Variants in HDAC9 observed in about 807,000 individuals in gnomAD.
HDAC9 encodes the protein histone deacetylase 9.
HDAC9 carries 41 observed loss-of-function variants against 139.4 expected under a neutral mutation model. That is an observed-to-expected ratio of 0.29 (90% CI 0.23 to 0.38). The LOEUF (loss-of-function observed/expected upper bound fraction) is 0.38. Among genes scored for constraint, HDAC9 ranks in the 10% least tolerant of loss-of-function variants. The probability of loss-of-function intolerance (pLI) is 1.00; values close to 1 mark genes in which losing one functional copy is unlikely to be tolerated. For synonymous variants in HDAC9, 517 were observed against 476.2 expected, an observed-to-expected ratio of 1.09 and a Z score of -1.12; for missense variants, 1,147 against 1,297.0, an observed-to-expected ratio of 0.88 and a Z score of 1.78.
At chr7:18,604,354 A>G (rs1213667482) in intron 6 of HDAC9, among the ~76,000 whole-genome samples, 3 of 151,486 alleles carry the variant, frequency 2.0e-5, no homozygotes, top group Non-Finnish European at 4.4e-5. Context: ...CATATCTTCA[A>G]AGTTATTGAT....
intron 2 of HDAC9, among the ~76,000 whole-genome samples, chr7:18,262,933 T>A (rs947194990): frequency 8.0e-6 from 1 of 124,898 alleles, no homozygotes; most frequent in Non-Finnish European, 1.9e-5. Flanking sequence ...AAGGCAATAA[T>A]AGAGAAAGAG....
At chr7:18,284,760 G>T (rs915254411) in intron 2 of HDAC9, among the ~76,000 whole-genome samples, 8 of 152,064 alleles carry the variant, frequency 5.3e-5, no homozygotes, top group African/African-American at 7.2e-5. Context: ...TGGTTTTATA[G>T]GGACTAGATA....
chr7:18,920,194 C>T (rs1262687178), intron 22 of HDAC9, among the ~76,000 whole-genome samples: 1 of 152,060 alleles, frequency 6.6e-6, no homozygotes, highest in Non-Finnish European at 1.5e-5. Flanking sequence ...TTGTAGTTCT[C>T]CTTGAAGAGG....
At chr7:18,886,985 C>A (rs1012343505) in intron 22 of HDAC9, among the ~76,000 whole-genome samples, 1 of 152,130 alleles carries the variant, frequency 6.6e-6, no homozygotes, top group South Asian at 2.1e-4. Flanking sequence ...TGGTCAAATC[C>A]TTTGTTAAGT....
intron 1 of HDAC9, among the ~76,000 whole-genome samples, chr7:18,143,702 C>T (rs879128034): frequency 1.3e-5 from 2 of 151,114 alleles, no homozygotes; most frequent in Admixed American, 1.3e-4. Flanking sequence ...AGGAGAATTG[C>T]TTGAACTCAG....
At chr7:18,867,984 T>G (rs905720082) in intron 21 of HDAC9, among the ~76,000 whole-genome samples, 1 of 152,212 alleles carries the variant, frequency 6.6e-6, no homozygotes, top group African/African-American at 2.4e-5. Context: ...TGATTGTTCT[T>G]TTTCATAACA....
intron 6 of HDAC9, among the ~76,000 whole-genome samples, chr7:18,605,980 G>T (rs1458927634): frequency 6.6e-6 from 1 of 152,030 alleles, no homozygotes; most frequent in East Asian, 1.9e-4. Context: ...ATGCCTGGCT[G>T]CCCCTGGAGT....
At chr7:18,701,828 G>A (rs970505902) in intron 12 of HDAC9, among the ~76,000 whole-genome samples, 1 of 152,210 alleles carries the variant, frequency 6.6e-6, no homozygotes, top group Non-Finnish European at 1.5e-5. Flanking sequence ...TGGAGAGAGT[G>A]TAGACTAAGG....
intron 2 of HDAC9, among the ~76,000 whole-genome samples, chr7:18,578,928 T>C (rs1201519754): frequency 6.6e-6 from 1 of 152,242 alleles, no homozygotes; most frequent in East Asian, 1.9e-4. Context: ...TTAAACCAGA[T>C]AACTTCCTAA....
chr7:18,180,859 C>A (rs899922169), intron 2 of HDAC9, among the ~76,000 whole-genome samples: 4 of 152,168 alleles, frequency 2.6e-5, no homozygotes, highest in African/African-American at 7.2e-5. Context: ...ACCTTGCTCC[C>A]CACAAAGACT....
intron 13 of HDAC9, among the ~76,000 whole-genome samples, chr7:18,744,316 T>C (rs1787742468): frequency 6.6e-6 from 1 of 152,126 alleles, no homozygotes; most frequent in Non-Finnish European, 1.5e-5. Context: ...TTAAGTTAAA[T>C]GTGGTAAAAT....
chr7:18,269,695 C>T lies in HDAC9; in HGVS notation c.25+107346C>T, dbSNP rs546416398. Among the ~76,000 whole-genome samples, 4 of 152,094 alleles carry T rather than the reference C, an allele frequency of 2.6e-5. 1 individual carries two copies. The East Asian group carries it at 7.7e-4, about 29-fold the overall frequency. The stretch of plus-strand genomic sequence containing the variant: ...CATGATTGTGCCACTGCACTTTAGC[C>T]TGGGCAACAGAGGGAGACCTTGTCT... On this transcript the variant is annotated intron_variant, in intron 2 of 12. Transcript: ENST00000417496.
chr7:18,476,122 A>G lies in HDAC9; in HGVS notation c.-41-20140A>G, dbSNP rs539756554. On this transcript the variant is annotated intron_variant, in intron 1 of 3. Coordinates refer to the HDAC9 transcript ENST00000413509. ...TATAGTCTTAAACTTCAATTTTTAC[A>G]TTTTGTTTTTGGATGCTATTATATT... Among the ~76,000 whole-genome samples, 36 of 152,158 alleles carry G rather than the reference A, an allele frequency of 2.4e-4. 1 individual carries two copies. Among genetic ancestry groups the G allele is most frequent in the Admixed American group, 1.7e-3 (26 of 15,284 alleles).
chr7:18,784,686 T>A (rs539596398), intron 16 of HDAC9, among the ~76,000 whole-genome samples: 2 of 152,132 alleles, frequency 1.3e-5, no homozygotes, highest in East Asian at 3.9e-4. Context: ...AATAAAGAAA[T>A]GGTGTAAACA....
chr7:18,176,874 A>G (rs1182096822), intron 2 of HDAC9, among the ~76,000 whole-genome samples: 1 of 152,242 alleles, frequency 6.6e-6, no homozygotes, highest in Non-Finnish European at 1.5e-5. Flanking sequence ...GTGAAACAGT[A>G]AATTGAAAGA....
chr7:18,868,048 A>G (rs779728198), intron 21 of HDAC9, among the ~76,000 whole-genome samples: 52 of 152,092 alleles, frequency 3.4e-4, no homozygotes, highest in Non-Finnish European at 6.2e-4. Context: ...TGAAATTATT[A>G]TGTTTGTTGT....
chr7:18,274,103 A>G (rs1259300917), intron 2 of HDAC9, among the ~76,000 whole-genome samples: 1 of 152,210 alleles, frequency 6.6e-6, no homozygotes, highest in Non-Finnish European at 1.5e-5. Context: ...TCTCATATGT[A>G]TACAAAGGGA....
At chr7:18,446,372 G>A (rs899207746) in intron 1 of HDAC9, among the ~76,000 whole-genome samples, 12 of 152,194 alleles carry the variant, frequency 7.9e-5, no homozygotes, top group African/African-American at 2.9e-4. Context: ...TGCCTAGTCG[G>A]GGGGTGGGTT....
intron 21 of HDAC9, among the ~76,000 whole-genome samples, chr7:18,851,244 C>G (rs1414657912): frequency 2.0e-5 from 3 of 152,124 alleles, no homozygotes; most frequent in Non-Finnish European, 2.9e-5. Flanking sequence ...AATCTCATCT[C>G]GAATTGTAAT....
Sources: gnomAD v4.1 joint callset for allele counts (sites outside exome capture counted in the v4.1 genomes callset) on GRCh38, gnomAD v4.1.1 for gene constraint, MANE v1.5 for transcripts, NCBI Gene and HGNC (gene_info 2026-07-23, HGNC 2026-07-21) for gene names.